The following GMDS variants were observed in gnomAD, a reference collection of about 807,000 sequenced individuals.
GMDS encodes the protein GDP-mannose 4,6 dehydratase.
In GMDS, 20 loss-of-function variants were observed where a neutral mutation model predicts 49.9. The observed-to-expected ratio is 0.40, with a 90% CI of 0.28 to 0.58. GMDS has a LOEUF of 0.58. GMDS is among the 20% of genes least tolerant of loss of function. The pLI is 0.42. For missense variants in GMDS, 362 were observed against 481.4 expected (o/e 0.75, Z 2.32); for synonymous variants, 177 against 178.6 (o/e 0.99, Z 0.07).
chr6:1,868,524 C>T (rs1216232726), intron 7 of GMDS, among the ~76,000 whole-genome samples: 1 of 152,160 alleles, frequency 6.6e-6, no homozygotes, highest in Non-Finnish European at 1.5e-5. Flanking sequence ...GGAAGGAAAT[C>T]GAGAGCCATA....
chr6:1,653,838 T>C (rs371297209), intron 9 of GMDS, among the ~76,000 whole-genome samples: 9 of 152,132 alleles, frequency 5.9e-5, no homozygotes, highest in African/African-American at 1.9e-4. Flanking sequence ...CTTAAATCTA[T>C]AAAACTCTGA....
chr6:1,964,278 T>C (rs1270459808), intron 4 of GMDS, among the ~76,000 whole-genome samples: 2 of 152,346 alleles, frequency 1.3e-5, no homozygotes, highest in Non-Finnish European at 2.9e-5. Context: ...TGAACAACAA[T>C]GAGAATGTTG....
chr6:2,047,730 C>T (rs1400714701), intron 4 of GMDS, among the ~76,000 whole-genome samples: 2 of 152,138 alleles, frequency 1.3e-5, no homozygotes, highest in African/African-American at 4.8e-5. Context: ...CTCAGGTGAT[C>T]CACCAGCCTC....
chr6:2,207,097 A>C (rs1208105840), intron 1 of GMDS, among the ~76,000 whole-genome samples: 1 of 152,226 alleles, frequency 6.6e-6, no homozygotes, highest in African/African-American at 2.4e-5. Flanking sequence ...AATCCAACAC[A>C]CATCATGTAA....
rs918540033 is a variant in GMDS at position 1,677,028 on chromosome 6, C to T, written c.987+49388G>A. 5.9e-5 allele frequency among the ~76,000 whole-genome samples: 9 copies of T among 152,274 alleles called. No homozygotes were observed. In the South Asian group the frequency reaches 1.9e-3, roughly 32 times the overall value. On this transcript the variant is annotated intron_variant, in intron 9 of 10. Coordinates refer to ENST00000380815, the MANE Select transcript of GMDS (RefSeq NM_001500.4). ...TGGGAGAAAATGTTTGCAATCTACC[C>T]ATCTGACAAAGGGCTAATATACAGA... is the stretch of plus-strand genomic sequence containing the variant.
intron 4 of GMDS, among the ~76,000 whole-genome samples, chr6:2,114,655 G>C (rs563227259): frequency 7.8e-4 from 119 of 152,254 alleles, no homozygotes; most frequent in Middle Eastern, 3.4e-3. Flanking sequence ...GCAGATATGA[G>C]GTATCATCAT....
chr6:1,639,613 C>T (rs954998222), intron 9 of GMDS, among the ~76,000 whole-genome samples: 5 of 152,232 alleles, frequency 3.3e-5, no homozygotes, highest in Non-Finnish European at 5.9e-5. Flanking sequence ...TGAGGCCGGG[C>T]ACGGTGGCTC....
At chr6:1,924,434 G>GA (rs1294558324) in intron 7 of GMDS, among the ~76,000 whole-genome samples, 2 of 152,136 alleles carry the variant, frequency 1.3e-5, no homozygotes, top group Non-Finnish European at 1.5e-5. Context: ...CTGAGTCCTG[G>GA]AAAGAGGCTG....
chr6:1,637,218 A>G (rs1763182328), intron 9 of GMDS, among the ~76,000 whole-genome samples: 1 of 152,180 alleles, frequency 6.6e-6, no homozygotes, highest in Non-Finnish European at 1.5e-5. Context: ...CAAAGGGTGG[A>G]GAGGCCTCCC....
intron 7 of GMDS, among the ~76,000 whole-genome samples, chr6:1,786,037 A>G (rs555302414): frequency 3.7e-4 from 57 of 152,366 alleles, no homozygotes; most frequent in African/African-American, 1.1e-3. Flanking sequence ...AAAGGAAAAA[A>G]AAATTCACGT....
At chr6:1,658,456 G>T (rs1763961061) in intron 9 of GMDS, among the ~76,000 whole-genome samples, 1 of 152,250 alleles carries the variant, frequency 6.6e-6, no homozygotes, top group South Asian at 2.1e-4. Context: ...CCTGTGTCCA[G>T]GTGAGAGTGC....
At chr6:1,651,314 G>C (rs1348764459) in intron 9 of GMDS, among the ~76,000 whole-genome samples, 1 of 152,206 alleles carries the variant, frequency 6.6e-6, no homozygotes, top group South Asian at 2.1e-4. Flanking sequence ...GGAGCAGCCT[G>C]GCATGGCTCA....
intron 8 of GMDS, among the ~76,000 whole-genome samples, chr6:1,731,498 G>C (rs1421218151): frequency 6.6e-6 from 1 of 152,166 alleles, no homozygotes; most frequent in Non-Finnish European, 1.5e-5. Context: ...GAGTCAGAAT[G>C]GCTCTTGGTT....
At chr6:2,236,722 A>AG (rs1329901186) in intron 1 of GMDS, among the ~76,000 whole-genome samples, 1 of 152,254 alleles carries the variant, frequency 6.6e-6, no homozygotes, top group East Asian at 1.9e-4. Flanking sequence ...TAAGAAACAT[A>AG]GAAAAATCAT....
intron 8 of GMDS, among the ~76,000 whole-genome samples, chr6:1,738,617 A>T (rs563300268): frequency 5.3e-5 from 8 of 152,364 alleles, no homozygotes; most frequent in African/African-American, 1.9e-4. Context: ...GATACGGTAC[A>T]GCCTCATGTA....
At chr6:2,129,073 G>A (rs542240754) in intron 1 of GMDS, among the ~76,000 whole-genome samples, 1 of 152,294 alleles carries the variant, frequency 6.6e-6, no homozygotes, top group South Asian at 2.1e-4. Context: ...GAAGTACTCA[G>A]AAATGTTCCA....
intron 4 of GMDS, among the ~76,000 whole-genome samples, chr6:2,091,009 G>GA (rs1374840381): frequency 3.3e-5 from 5 of 152,182 alleles, no homozygotes; most frequent in Non-Finnish European, 7.3e-5. Context: ...CTCGTGGGGG[G>GA]AGTTTATCTC....
intron 8 of GMDS, among the ~76,000 whole-genome samples, chr6:1,737,064 G>A (rs925630976): frequency 1.3e-5 from 2 of 152,202 alleles, no homozygotes; most frequent in Non-Finnish European, 2.9e-5. Flanking sequence ...AATGAAGGGA[G>A]CAAGGTGCAT....
chr6:1,805,464 T>G (rs1463577924), intron 7 of GMDS, among the ~76,000 whole-genome samples: 1 of 152,184 alleles, frequency 6.6e-6, no homozygotes, highest in Non-Finnish European at 1.5e-5. Context: ...CAAAGTATGG[T>G]CCAGGCACCT....
Sources: allele counts gnomAD v4.1 joint callset (sites outside exome capture counted in the v4.1 genomes callset), GRCh38; gene constraint gnomAD v4.1.1; transcripts MANE v1.5; gene names NCBI Gene and HGNC (gene_info 2026-07-23, HGNC 2026-07-21).